CEP83: variants seen among roughly 807,000 people sequenced by gnomAD.
The protein encoded by CEP83 is centrosomal protein of 83 kDa.
In CEP83, 70 loss-of-function variants were observed where a neutral mutation model predicts 101.9. That is an observed-to-expected ratio of 0.69 (90% CI 0.57 to 0.84). The LOEUF is 0.84. CEP83 is among the 40% of genes least tolerant of loss of function. The pLI is 0.00. For missense variants in CEP83, 715 were observed against 787.2 expected (o/e 0.91, Z 1.10); for synonymous variants, 264 against 267.9 (o/e 0.99, Z 0.14).
At chr12:94,294,657 T>G in the CEP83 span, 4 of 582,414 alleles carry the variant, frequency 6.9e-6, no homozygotes, top group Admixed American at 9.0e-5. Context: ...TATGTAATTC[T>G]CTGAAAGTTG....
At chr12:94,424,943 G>A in intron 2 of CEP83, 1 of 1,589,566 alleles carries the variant, frequency 6.3e-7, no homozygotes, top group Non-Finnish European at 8.6e-7. Context: ...AGAAATCCCG[G>A]GCCTGGAAGT....
intron 2 of CEP83, among the ~76,000 whole-genome samples, chr12:94,413,346 T>C (rs1247348486): frequency 6.6e-6 from 1 of 152,210 alleles, no homozygotes; most frequent in Non-Finnish European, 1.5e-5. Context: ...TTTCCCAGTT[T>C]AGGTAGTCTT....
chr12:94,419,560 A>C (rs2064555629), intron 2 of CEP83, among the ~76,000 whole-genome samples: 1 of 152,214 alleles, frequency 6.6e-6, no homozygotes. Flanking sequence ...AAATGATTTT[A>C]AAGAAAAAAA....
intron 11 of CEP83, among the ~76,000 whole-genome samples, chr12:94,355,072 C>T (rs1222201212): frequency 6.6e-6 from 1 of 151,494 alleles, no homozygotes; most frequent in Non-Finnish European, 1.5e-5. Flanking sequence ...TGCAACATAC[C>T]CAAAACCTAT....
chr12:94,367,982 A>G, intron 10 of CEP83, 39 bp from the exon 11 acceptor site: 1 of 1,606,976 alleles, frequency 6.2e-7, no homozygotes, highest in Non-Finnish European at 8.5e-7. Context: ...AAGAACTATA[A>G]TAAAGATGAT....
chr12:94,334,592 T>G (rs985606333), intron 12 of CEP83, among the ~76,000 whole-genome samples: 2 of 152,088 alleles, frequency 1.3e-5, no homozygotes, highest in African/African-American at 2.4e-5. Flanking sequence ...TATTATGAGA[T>G]TCAAGGGTAA....
chr12:94,409,538 T>C (rs2063752503), intron 4 of CEP83, among the ~76,000 whole-genome samples: 1 of 152,210 alleles, frequency 6.6e-6, no homozygotes, highest in Non-Finnish European at 1.5e-5. Flanking sequence ...CTGAAAGCAC[T>C]GAAGCAGAAA....
chr12:94,272,763 G>A, the CEP83 span, among the ~76,000 whole-genome samples: 1 of 152,228 alleles, frequency 6.6e-6, no homozygotes, highest in African/African-American at 2.4e-5. Flanking sequence ...TTTATTCTGG[G>A]TGAACAGAAG....
At chr12:94,390,759 T>G (rs761537483) in intron 6 of CEP83, among the ~76,000 whole-genome samples, 49 of 152,070 alleles carry the variant, frequency 3.2e-4, no homozygotes, top group Non-Finnish European at 5.6e-4. Flanking sequence ...CTAACTAGAA[T>G]AAACAGTGTA....
At chr12:94,313,827 C>T (rs762930167) in intron 14 of CEP83, among the ~76,000 whole-genome samples, 58 of 152,070 alleles carry the variant, frequency 3.8e-4, no homozygotes, top group Non-Finnish European at 7.2e-4. Context: ...AAAAGCAAGA[C>T]TCTGTCTCAA....
chr12:94,288,587 G>A, the CEP83 span, among the ~76,000 whole-genome samples: 5 of 152,240 alleles, frequency 3.3e-5, no homozygotes, highest in Admixed American at 3.3e-4. Flanking sequence ...AGAACCTTCT[G>A]TGTGATTTGA....
At chr12:94,409,122 C>A (rs1166015199) in intron 4 of CEP83, among the ~76,000 whole-genome samples, 2 of 151,642 alleles carry the variant, frequency 1.3e-5, no homozygotes, top group Non-Finnish European at 1.5e-5. Flanking sequence ...TGAAATATTT[C>A]TTGATCTTTG....
chr12:94,427,893 C>CA (rs950120493), intron 2 of CEP83, among the ~76,000 whole-genome samples: 3 of 150,980 alleles, frequency 2.0e-5, no homozygotes, highest in South Asian at 2.1e-4. Flanking sequence ...GTCTTGCGTA[C>CA]AAAAAAAAAG....
At chr12:94,275,391 C>T in the CEP83 span, among the ~76,000 whole-genome samples, 36 of 152,158 alleles carry the variant, frequency 2.4e-4, no homozygotes, top group African/African-American at 8.4e-4. Flanking sequence ...GGTGTCTCCC[C>T]CGATGGGGTA....
At chr12:94,338,150 C>T (rs2059530248) in intron 11 of CEP83, among the ~76,000 whole-genome samples, 2 of 151,972 alleles carry the variant, frequency 1.3e-5, no homozygotes, top group African/African-American at 2.4e-5. Context: ...GTACAAGATG[C>T]TAAAGTAGAA....
chr12:94,315,398 A>G (rs1970516616), intron 14 of CEP83, among the ~76,000 whole-genome samples: 1 of 152,040 alleles, frequency 6.6e-6, no homozygotes, highest in African/African-American at 2.4e-5. Flanking sequence ...TGACGTGTCC[A>G]TCCTAGTCTT....
chr12:94,298,866 G>A, the CEP83 span: 1 of 1,395,376 alleles, frequency 7.2e-7, no homozygotes, highest in Non-Finnish European at 9.9e-7. Flanking sequence ...GAAAGACATA[G>A]ATAGTTATAG....
intron 14 of CEP83, among the ~76,000 whole-genome samples, chr12:94,316,828 G>A (rs571121531): frequency 2.1e-4 from 32 of 152,114 alleles, no homozygotes; most frequent in African/African-American, 7.5e-4. Context: ...ATCTTCCATT[G>A]ATGGGCATTT....
the CEP83 span, chr12:94,298,837 G>T: frequency 6.4e-7 from 1 of 1,551,514 alleles, no homozygotes. Flanking sequence ...AAGAATCTGG[G>T]ACAGAATATT....
Sources: allele counts gnomAD v4.1 joint callset (sites outside exome capture counted in the v4.1 genomes callset), GRCh38; gene constraint gnomAD v4.1.1; transcripts MANE v1.5; gene names NCBI Gene and HGNC (gene_info 2026-07-23, HGNC 2026-07-21).